The following TTC28 variants were observed in gnomAD, a reference collection of about 807,000 sequenced individuals.
TTC28 encodes the protein tetratricopeptide repeat protein 28.
A neutral mutation model predicts 198.0 loss-of-function variants in TTC28; 61 were observed. The ratio of observed to expected loss-of-function variants is 0.31; its 90% CI spans 0.25 to 0.38. TTC28 has a LOEUF of 0.38. TTC28 is among the 10% of genes least tolerant of loss of function. TTC28 has a pLI of 1.00. For missense variants in TTC28, 2,678 were observed against 3,164.0 expected, an observed-to-expected ratio of 0.85 and a Z score of 3.69; for synonymous variants, 1,171 against 1,297.8, an observed-to-expected ratio of 0.90 and a Z score of 2.10.
At chr22:28,599,280 TTTA>T (rs1268813955) in intron 2 of TTC28, among the ~76,000 whole-genome samples, 2 of 152,234 alleles carry the variant, frequency 1.3e-5, no homozygotes, top group African/African-American at 4.8e-5. Context: ...GAAGGACGGT[TTTA>T]TTATTATCAG....
chr22:28,199,548 T>TATATATATATATATATATACAC (rs60177369), intron 5 of TTC28, among the ~76,000 whole-genome samples: 38 of 147,466 alleles, frequency 2.6e-4, no homozygotes, highest in African/African-American at 9.1e-4. Context: ...TATATATATA[T>TATATATATATATATATATACAC]ACACACAAAC....
intron 2 of TTC28, among the ~76,000 whole-genome samples, chr22:28,352,310 TAC>T (rs2046008580): frequency 1.5e-5 from 1 of 68,034 alleles, no homozygotes; most frequent in Admixed American, 1.6e-4. Flanking sequence ...CAGAGATATA[TAC>T]ATATATATAT....
At chr22:28,277,071 TA>T (rs1216065238) in intron 5 of TTC28, among the ~76,000 whole-genome samples, 3 of 152,122 alleles carry the variant, frequency 2.0e-5, no homozygotes, top group Non-Finnish European at 2.9e-5. Context: ...TATCAGAGAC[TA>T]AAATAATAAA....
intron 1 of TTC28, among the ~76,000 whole-genome samples, chr22:28,677,175 A>AAAAAATAT (rs1555910210): frequency 2.9e-5 from 2 of 69,472 alleles, no homozygotes; most frequent in African/African-American, 1.5e-4. Context: ...AAAAAAAAAA[A>AAAAAATAT]ATATATATAT....
At chr22:28,346,412 T>C (rs2045903072) in intron 2 of TTC28, among the ~76,000 whole-genome samples, 2 of 152,178 alleles carry the variant, frequency 1.3e-5, no homozygotes, top group South Asian at 4.1e-4. Flanking sequence ...TTTGAAACAT[T>C]GAGGCTACTT....
At chr22:28,320,543 T>C (rs1484695340) in intron 2 of TTC28, among the ~76,000 whole-genome samples, 1 of 152,228 alleles carries the variant, frequency 6.6e-6, no homozygotes, top group East Asian at 1.9e-4. Flanking sequence ...TGGCTTCTTA[T>C]CAAATTTCTA....
chr22:28,169,307 G>A (rs1293625468), intron 5 of TTC28, among the ~76,000 whole-genome samples: 2 of 152,118 alleles, frequency 1.3e-5, no homozygotes, highest in Non-Finnish European at 2.9e-5. Flanking sequence ...ATTTGACCCA[G>A]CCATCCGATT....
At chr22:28,293,975 A>G (rs970100945) in intron 5 of TTC28, among the ~76,000 whole-genome samples, 1 of 152,224 alleles carries the variant, frequency 6.6e-6, no homozygotes, top group African/African-American at 2.4e-5. Flanking sequence ...GTTGATTATT[A>G]AAGTCTTAAT....
intron 1 of TTC28, among the ~76,000 whole-genome samples, chr22:28,643,952 G>A (rs1379036374): frequency 6.6e-6 from 1 of 152,144 alleles, no homozygotes; most frequent in Non-Finnish European, 1.5e-5. Flanking sequence ...GGCACAAAAA[G>A]GTTAAATAAC....
intron 2 of TTC28, 158 bp downstream of exon 2, chr22:28,629,394 G>A (rs578132498): frequency 3.3e-5 from 22 of 667,804 alleles, no homozygotes; most frequent in African/African-American, 9.1e-5. Flanking sequence ...GAAGCTTTTC[G>A]CTAGTGTACC....
At position 28,107,576 on chromosome 22, in the gene TTC28, A is replaced by G; in HGVS notation, c.2269T>C (p.Tyr757His). ...VKDRRLEASA[Y>H]AALGTAYRMI... ...CGGTATGCAGTGCCCAGGGCTGCAT[A>G]TGCACTGGCTTCTAATCTTCTGTCC... The change falls in exon 7 of 23, where the codon TAT becomes CAT. Residue 757 changes from tyrosine to histidine, a missense_variant. Physicochemically the swap from Tyr to His is moderately conservative, Grantham distance 83. Transcript: ENST00000397906. The G allele has an allele frequency of 1.3e-6, 2 of 1,551,796 alleles. No homozygotes were observed.
intron 2 of TTC28, among the ~76,000 whole-genome samples, chr22:28,354,281 T>C (rs1309934715): frequency 1.2e-4 from 19 of 152,134 alleles, no homozygotes; most frequent in Admixed American, 1.2e-3. Context: ...AACCCAAGTA[T>C]CCATCATCAA....
chr22:28,573,371 T>C (rs1317263090), intron 2 of TTC28, among the ~76,000 whole-genome samples: 2 of 151,678 alleles, frequency 1.3e-5, no homozygotes, highest in African/African-American at 4.8e-5. Flanking sequence ...GGAGAATCAC[T>C]TGAACTTGGG....
intron 2 of TTC28, among the ~76,000 whole-genome samples, chr22:28,317,675 C>T (rs567103697): frequency 6.6e-6 from 1 of 152,320 alleles, no homozygotes; most frequent in South Asian, 2.1e-4. Context: ...ATCTTCAACA[C>T]TTTCCAGCTC....
chr22:28,625,577 T>C (rs1415404667), intron 2 of TTC28, among the ~76,000 whole-genome samples: 1 of 152,194 alleles, frequency 6.6e-6, no homozygotes, highest in Non-Finnish European at 1.5e-5. Flanking sequence ...TACACCATGT[T>C]CATGGATTCA....
intron 2 of TTC28, among the ~76,000 whole-genome samples, chr22:28,602,329 A>G (rs1601611504): frequency 6.6e-6 from 1 of 152,306 alleles, no homozygotes; most frequent in Non-Finnish European, 1.5e-5. Context: ...TTGATCCTGG[A>G]CCAGAAGGGA....
chr22:28,652,339 T>C (rs1569084654), intron 1 of TTC28, among the ~76,000 whole-genome samples: 1 of 152,238 alleles, frequency 6.6e-6, no homozygotes, highest in Non-Finnish European at 1.5e-5. Flanking sequence ...CTGGTTCAAG[T>C]TGCCTTGCTA....
chr22:28,424,258 T>G (rs1017226098), intron 2 of TTC28, among the ~76,000 whole-genome samples: 1 of 152,168 alleles, frequency 6.6e-6, no homozygotes, highest in Non-Finnish European at 1.5e-5. Context: ...TAAATAAATG[T>G]GTTCTATTGT....
Position 27,982,692 on chromosome 22 carries a change from G to C in TTC28, c.6975C>G (p.Ser2325=), listed in dbSNP as rs1396596151. 11 of 1,551,630 alleles carry C rather than the reference G, an allele frequency of 7.1e-6. 1 individual carries two copies. Among genetic ancestry groups the C allele is most frequent in the South Asian group, 2.4e-5 (2 of 84,060 alleles). The change falls in exon 23 of 23, where the codon TCC becomes TCG. Residue 2325 remains serine (S), a synonymous_variant. Coordinates refer to ENST00000397906, the MANE Select transcript of TTC28 (RefSeq NM_001145418.2). This position sits in a 1 kb window ranked among gnomAD's most constrained non-coding sequence, Gnocchi z 5.2. The part of the protein sequence containing the change: ...PAGSAPSPAL[S]YSSAGSARSS... ...AGCGAGCAGATCCAGCTGAGGAGTA[G>C]GAGAGAGCTGGGGAGGGTGCACTGC...
Sources: gnomAD v4.1 joint callset for allele counts (sites outside exome capture counted in the v4.1 genomes callset) on GRCh38, gnomAD v4.1.1 for gene constraint, Gnocchi (gnomAD v3.1) non-coding constraint, MANE v1.5 for transcripts, NCBI Gene and HGNC (gene_info 2026-07-23, HGNC 2026-07-21) for gene names.